Variants in HMCN2 observed in about 807,000 individuals in gnomAD.
The protein encoded by HMCN2 is hemicentin-2.
A neutral mutation model predicts 377.5 loss-of-function variants in HMCN2; 325 were observed. The observed-to-expected ratio is 0.86, with a 90% CI of 0.79 to 0.94. HMCN2 has a LOEUF of 0.94. Among genes scored for constraint, HMCN2 ranks in the 40% least tolerant of loss-of-function variants. The pLI is 0.00. For synonymous variants in HMCN2, 2,007 were observed against 2,046.8 expected (o/e 0.98, Z 0.53); for missense variants, 4,543 against 4,725.3 (o/e 0.96, Z 1.13).
rs1400116961 is a variant in HMCN2 at position 130,351,977 on chromosome 9, C to A, written c.4585+400C>A. Among the ~76,000 whole-genome samples, 6 of 151,902 alleles carry A rather than the reference C, an allele frequency of 3.9e-5. No individual in the cohort carries two copies. The highest frequency in any genetic ancestry group is 7.4e-5 in the Non-Finnish European group (5 of 67,944). Reference sequence around the variant, plus strand: ...CAGGTGCCCACCACCACACCCAGTTCATTTTTGTATTTTTAGTAGAGGTGG... The same window carrying A: ...CAGGTGCCCACCACCACACCCAGTTAATTTTTGTATTTTTAGTAGAGGTGG... On this transcript the variant is annotated intron_variant, in intron 30 of 97. Coordinates refer to ENST00000683500, the MANE Select transcript of HMCN2 (RefSeq NM_001291815.2). This position sits in a 1 kb window ranked among gnomAD's most constrained non-coding sequence, Gnocchi z 5.4.
rs1414320235 is a variant in HMCN2, at chr9:130,303,555, C to T, written c.1490C>T (p.Thr497Ile). 13 of 395,028 alleles carry T rather than the reference C, an allele frequency of 3.3e-5. No homozygotes were observed. Among genetic ancestry groups the T allele is most frequent in the Non-Finnish European group, 5.4e-5 (10 of 186,124 alleles). The allele number at this position is 395,028 out of a possible 1,614,324, so 24.5% of individuals were successfully genotyped here. A position where few individuals can be genotyped will look rare whatever the true frequency, so the allele number is the denominator to read the frequency against. ...GCCGAGGAGGGCACGTACGAGTGCA[C>T]AGCCGTCAGCAGGGCTGGGACCGGG... ...SKAEEGTYEC[T>I]AVSRAGTGRA... Residue 497 changes from threonine to isoleucine, a missense_variant, in exon 10 of 98, where the codon ACA becomes ATA. By Grantham distance (89) the Thr-to-Ile change is moderately conservative. Coordinates refer to ENST00000683500, the MANE Select transcript of HMCN2 (RefSeq NM_001291815.2). The surrounding 1 kb of genome is among the most constrained non-coding windows in gnomAD (Gnocchi z 5.2).
At chr9:130,417,547 A>C (rs1017295203) in intron 85 of HMCN2, among the ~76,000 whole-genome samples, 6 of 141,274 alleles carry the variant, frequency 4.2e-5, no homozygotes, top group African/African-American at 7.7e-5. Context: ...ACAAAAAAAA[A>C]CGAGAGAGAC....
intron 27 of HMCN2, 93 bp downstream of exon 27, chr9:130,348,768 G>T: frequency 7.9e-7 from 1 of 1,267,432 alleles, no homozygotes; most frequent in Non-Finnish European, 1.0e-6. Context: ...CCAAGGTGGG[G>T]CAGGGAGATG....
rs917660373 is a variant in HMCN2 at position 130,307,183 on chromosome 9, C to T, written c.2086+245C>T. ...GGAGCCTCCTGGTGCGAGGGAGGGA[C>T]GTGTGCTGGGGGCGAGGGAGAAGCG... On this transcript the variant is annotated intron_variant, in intron 13 of 97. Transcript: ENST00000683500. 3.3e-5 allele frequency among the ~76,000 whole-genome samples: 5 copies of T among 152,110 alleles called. No homozygotes were observed. The East Asian group carries it at 5.8e-4, about 18-fold the overall frequency.
chr9:130,356,011 T>C (rs1643025937), intron 33 of HMCN2, 77 bp from the exon 34 acceptor site: 1 of 1,033,848 alleles, frequency 9.7e-7, no homozygotes, highest in Non-Finnish European at 1.3e-6. Flanking sequence ...GAGGAACTTC[T>C]AGGTTTCCTG....
chr9:130,324,097 C>T (rs1837995580), intron 19 of HMCN2, among the ~76,000 whole-genome samples: 1 of 152,224 alleles, frequency 6.6e-6, no homozygotes, highest in Non-Finnish European at 1.5e-5. Flanking sequence ...ACATTTCACA[C>T]TATCACCGCT....
Position 130,419,048 on chromosome 9 carries a change from G to A in HMCN2, c.13231+7G>A. 3 of 1,489,682 alleles carry A rather than the reference G, an allele frequency of 2.0e-6. No homozygotes were observed. The highest frequency in any genetic ancestry group is 1.3e-5 in the South Asian group (1 of 74,436). 92.3% of individuals were successfully genotyped at this position (1,489,682 alleles called of 1,614,324 possible). ...GCGTTCCTGGTCGTGAGAGGTATGG[G>A]GCATCCCTGTCTGGACCTTCGTGGA... On this transcript the variant is annotated splice_region_variant and intron_variant, in intron 86 of 97. Transcript: ENST00000683500.
intron 15 of HMCN2, among the ~76,000 whole-genome samples, chr9:130,311,125 A>G (rs1837220545): frequency 6.6e-6 from 1 of 152,218 alleles, no homozygotes; most frequent in Non-Finnish European, 1.5e-5. Context: ...CTTGGCACAC[A>G]GAGCTGGGAC....
chr9:130,303,921 A>G lies in HMCN2; in HGVS notation c.1543+313A>G, dbSNP rs1554935547. On this transcript the variant is annotated intron_variant, in intron 10 of 97. Transcript: ENST00000683500. This position sits in a 1 kb window ranked among gnomAD's most constrained non-coding sequence, Gnocchi z 5.2. ...CGCCATCCATCTCGTGGTCGGGACA[A>G]CCTTCGTGCCTCCAAGTCCCGGCCA... is the stretch of plus-strand genomic sequence containing the variant. 2.0e-5 allele frequency among the ~76,000 whole-genome samples: 3 copies of G among 151,936 alleles called. No homozygotes were observed. Among genetic ancestry groups the G allele is most frequent in the Admixed American group, 1.3e-4 (2 of 15,258 alleles).
rs7854594 is a variant in HMCN2 at position 130,386,843 on chromosome 9, G to A, written c.9391+319G>A. Among the ~76,000 whole-genome samples, 1,283 of 152,296 alleles carry A rather than the reference G, an allele frequency of 8.4e-3. 19 individuals are homozygous for A. The highest frequency in any genetic ancestry group is 0.029 in the African/African-American group (1,200 of 41,564). On this transcript the variant is annotated intron_variant, in intron 61 of 97. Transcript: ENST00000683500. ...GAATTTAAAAAACTAAGGTTAGCAG[G>A]CTCCAAATAGAACTCTGCCAGTGAC... is the stretch of plus-strand genomic sequence containing the variant.
chr9:130,335,244 A>G (rs1427920958), intron 22 of HMCN2, among the ~76,000 whole-genome samples: 16 of 152,108 alleles, frequency 1.1e-4, no homozygotes, highest in African/African-American at 3.9e-4. Context: ...AGGGGACCGC[A>G]TCCCAGCCTG....
chr9:130,400,750 C>G, intron 76 of HMCN2, 33 bp from the exon 77 acceptor site: 1 of 1,262,500 alleles, frequency 7.9e-7, no homozygotes, highest in Non-Finnish European at 1.0e-6. Context: ...CTGTGCCCGC[C>G]GGCAGGGCCT....
intron 19 of HMCN2, among the ~76,000 whole-genome samples, chr9:130,324,496 G>A (rs981928187): frequency 3.9e-5 from 6 of 152,078 alleles, no homozygotes; most frequent in East Asian, 1.9e-4. Flanking sequence ...AGGGCGGCCC[G>A]TTGTTAGCAC....
intron 85 of HMCN2, among the ~76,000 whole-genome samples, chr9:130,412,741 T>G (rs1279679957): frequency 6.6e-6 from 1 of 152,044 alleles, no homozygotes; most frequent in African/African-American, 2.4e-5. Context: ...CACACCCGAC[T>G]AATTTTTGTA....
intron 73 of HMCN2, 149 bp from the exon 74 acceptor site, chr9:130,397,379 A>C (rs1241276403): frequency 3.1e-6 from 2 of 650,590 alleles, no homozygotes; most frequent in African/African-American, 1.9e-5. Context: ...TGGGAGCTAC[A>C]AGATGAGATT....
intron 54 of HMCN2, among the ~76,000 whole-genome samples, chr9:130,379,860 TTTTTTTTCTA>T (rs373893455): frequency 1.4e-4 from 22 of 152,078 alleles, no homozygotes; most frequent in African/African-American, 5.3e-4. Flanking sequence ...TGTGTCTGGG[TTTTTTTTCTA>T]TTTTTTTCTA....
intron 33 of HMCN2, 22 bp from the exon 34 acceptor site, chr9:130,356,066 C>A: frequency 8.3e-7 from 1 of 1,208,786 alleles, no homozygotes; most frequent in Non-Finnish European, 1.1e-6. Context: ...GGTTGACACG[C>A]CCCCCTCCCT....
chr9:130,400,622 A>C, intron 76 of HMCN2, 161 bp from the exon 77 acceptor site: 1 of 301,604 alleles, frequency 3.3e-6, no homozygotes, highest in Non-Finnish European at 6.1e-6. Context: ...GCCCAGAAGG[A>C]TGTGCTGAGT....
chr9:130,271,332 G>T (rs1216738328), intron 1 of HMCN2, among the ~76,000 whole-genome samples: 5 of 148,868 alleles, frequency 3.4e-5, no homozygotes, highest in Admixed American at 3.4e-4. Context: ...CCACGTCCTT[G>T]GTGGGGGAGT....
Sources: allele counts gnomAD v4.1 joint callset (sites outside exome capture counted in the v4.1 genomes callset), GRCh38; gene constraint gnomAD v4.1.1; non-coding constraint Gnocchi (gnomAD v3.1); transcripts MANE v1.5; gene names NCBI Gene and HGNC (gene_info 2026-07-23, HGNC 2026-07-21).